Variants in SGCZ observed in about 807,000 individuals in gnomAD.
SGCZ encodes zeta-sarcoglycan.
SGCZ carries 40 observed loss-of-function variants against 41.3 expected under a neutral mutation model. That is an observed-to-expected ratio of 0.97 (90% CI 0.75 to 1.26). The LOEUF is 1.26. SGCZ is among the 50% of genes most tolerant of loss of function. The probability of loss-of-function intolerance (pLI) is 0.00; values close to 1 mark genes in which losing one functional copy is unlikely to be tolerated. For synonymous variants in SGCZ, 206 were observed against 137.5 expected, an observed-to-expected ratio of 1.50 and a Z score of -3.49; for missense variants, 552 against 369.8, an observed-to-expected ratio of 1.49 and a Z score of -4.04.
At chr8:15,086,170 C>T (rs183428753) in intron 1 of SGCZ, among the ~76,000 whole-genome samples, 26 of 152,174 alleles carry the variant, frequency 1.7e-4, no homozygotes, top group African/African-American at 5.1e-4. Context: ...TTCTAACAAG[C>T]AAAATATTAA....
chr8:14,295,192 A>T (rs185330921), intron 3 of SGCZ, among the ~76,000 whole-genome samples: 2 of 152,164 alleles, frequency 1.3e-5, no homozygotes, highest in South Asian at 2.1e-4. Flanking sequence ...AATGTTCTTC[A>T]ACTGGTGAAA....
At chr8:14,762,232 G>A (rs1372525152) in intron 1 of SGCZ, among the ~76,000 whole-genome samples, 1 of 152,036 alleles carries the variant, frequency 6.6e-6, no homozygotes, top group African/African-American at 2.4e-5. Context: ...TTTAACTATG[G>A]GATATGGAGT....
At chr8:14,498,569 T>G (rs544279030) in intron 2 of SGCZ, among the ~76,000 whole-genome samples, 1 of 152,120 alleles carries the variant, frequency 6.6e-6, no homozygotes, top group Non-Finnish European at 1.5e-5. Flanking sequence ...TGTTCTTTAA[T>G]TCTTTTGCCT....
chr8:14,159,906 G>A (rs1043643276), intron 5 of SGCZ, among the ~76,000 whole-genome samples: 2 of 152,116 alleles, frequency 1.3e-5, no homozygotes, highest in African/African-American at 4.8e-5. Context: ...GAAGCATGGT[G>A]TTTAATTTAA....
chr8:14,734,545 C>T (rs1798970366), intron 1 of SGCZ, among the ~76,000 whole-genome samples: 2 of 152,126 alleles, frequency 1.3e-5, no homozygotes, highest in South Asian at 4.1e-4. Flanking sequence ...AATATTTGCC[C>T]ATTAGTCTTT....
Position 15,206,573 on chromosome 8 carries a change from G to A in SGCZ, c.39+31012C>T, listed in dbSNP as rs765441435. 2.1e-4 allele frequency among the ~76,000 whole-genome samples: 31 copies of A among 150,942 alleles called. 2 individuals carry two copies. Among genetic ancestry groups the A allele is most frequent in the South Asian group, 1.1e-3 (5 of 4,682 alleles). Reference sequence around the variant, plus strand: ...CAAGCAATTCTCTGCCTCAGCCTCCGGAGTAGCTGGGATTACAGGTGCCCG... The same window carrying A: ...CAAGCAATTCTCTGCCTCAGCCTCCAGAGTAGCTGGGATTACAGGTGCCCG... On this transcript the variant is annotated intron_variant, in intron 1 of 7. Transcript: ENST00000382080.
chr8:14,674,355 T>G (rs1457959383), intron 1 of SGCZ, among the ~76,000 whole-genome samples: 1 of 152,144 alleles, frequency 6.6e-6, no homozygotes, highest in South Asian at 2.1e-4. Context: ...GAAACTACTA[T>G]TGTTCAAAGT....
At chr8:15,137,125 G>C (rs563737615) in intron 1 of SGCZ, among the ~76,000 whole-genome samples, 152 of 152,328 alleles carry the variant, frequency 1.0e-3, no homozygotes, top group Non-Finnish European at 1.7e-3. Context: ...CTTAGAGGGA[G>C]ATAAGGAACT....
At chr8:14,259,044 G>C (rs758609436) in intron 3 of SGCZ, among the ~76,000 whole-genome samples, 5 of 152,122 alleles carry the variant, frequency 3.3e-5, no homozygotes, top group Non-Finnish European at 7.4e-5. Flanking sequence ...CGTGCTAAAA[G>C]TCTTCCCTCT....
At chr8:14,532,413 C>A (rs1017770387) in intron 2 of SGCZ, among the ~76,000 whole-genome samples, 4 of 152,014 alleles carry the variant, frequency 2.6e-5, no homozygotes, top group Non-Finnish European at 1.5e-5. Context: ...GAATTCCTCC[C>A]TGTGTCCTCA....
At chr8:14,325,090 A>AT (rs1206642308) in intron 2 of SGCZ, among the ~76,000 whole-genome samples, 3 of 152,172 alleles carry the variant, frequency 2.0e-5, no homozygotes, top group African/African-American at 7.2e-5. Context: ...AATGTACTTA[A>AT]GTCAGATTCC....
chr8:15,150,748 T>C (rs903417019), intron 1 of SGCZ, among the ~76,000 whole-genome samples: 1 of 152,240 alleles, frequency 6.6e-6, no homozygotes, highest in African/African-American at 2.4e-5. Flanking sequence ...TACTTCCTGC[T>C]TGGTTTCTGG....
chr8:15,186,065 T>TA (rs961750974), intron 1 of SGCZ, among the ~76,000 whole-genome samples: 32 of 141,798 alleles, frequency 2.3e-4, no homozygotes, highest in African/African-American at 6.8e-4. Context: ...TTACTAAAAA[T>TA]AAAAAAAATA....
At chr8:14,248,618 A>T (rs916273683) in intron 3 of SGCZ, among the ~76,000 whole-genome samples, 1 of 152,204 alleles carries the variant, frequency 6.6e-6, no homozygotes, top group Non-Finnish European at 1.5e-5. Flanking sequence ...TAAGTTGGAT[A>T]TGTTTTCCAA....
At chr8:14,449,503 T>C (rs1228647952) in intron 2 of SGCZ, among the ~76,000 whole-genome samples, 1 of 152,148 alleles carries the variant, frequency 6.6e-6, no homozygotes, top group Non-Finnish European at 1.5e-5. Context: ...CATAATCATG[T>C]TCCAATGTGT....
In SGCZ at chr8:14,718,028, AT is replaced by A. The variant is rs1809749701; in HGVS notation, c.40-163103del. Among the ~76,000 whole-genome samples the A allele has an allele frequency of 3.1e-5, 4 of 130,074 alleles. No homozygotes were observed. The South Asian group carries it at 8.7e-4, about 28-fold the overall frequency. The allele number at this position is 130,074 out of a possible 152,430, so 85.3% of individuals were successfully genotyped here. A position where few individuals can be genotyped will look rare whatever the true frequency, so the allele number is the denominator to read the frequency against. On this transcript the variant is annotated intron_variant, in intron 1 of 7. Transcript: ENST00000382080. ...ATATATATGTAATATGGCTCTTAGC[AT>A]TTAAAAACTGACTCAAATAGTTTTC...
rs115314448 is a variant in SGCZ at position 14,511,740 on chromosome 8, G to A, written c.234+42992C>T. On this transcript the variant is annotated intron_variant, in intron 2 of 7. Coordinates refer to ENST00000382080, the MANE Select transcript of SGCZ (RefSeq NM_139167.4). ...TCCTATAATTAAATTAATCCAAGTT[G>A]TTAAGTATGATTGTATAGCCAAAGT... Among the ~76,000 whole-genome samples the A allele has an allele frequency of 9.4e-3, 1,434 of 152,154 alleles. 27 individuals are homozygous for A. The highest frequency in any genetic ancestry group is 0.032 in the African/African-American group (1,330 of 41,534).
chr8:14,913,137 C>T (rs1799326898), intron 1 of SGCZ, among the ~76,000 whole-genome samples: 1 of 151,952 alleles, frequency 6.6e-6, no homozygotes. Context: ...TTTAATTATA[C>T]ATTCTCACTG....
intron 2 of SGCZ, among the ~76,000 whole-genome samples, chr8:14,482,995 C>T (rs2117008998): frequency 6.6e-6 from 1 of 152,192 alleles, no homozygotes; most frequent in Middle Eastern, 3.4e-3. Flanking sequence ...TTTATACACA[C>T]ACACACAAAC....
Sources: allele counts gnomAD v4.1 joint callset (sites outside exome capture counted in the v4.1 genomes callset), GRCh38; gene constraint gnomAD v4.1.1; transcripts MANE v1.5; gene names NCBI Gene and HGNC (gene_info 2026-07-23, HGNC 2026-07-21).